NRG4: variants seen among roughly 807,000 people sequenced by gnomAD.
The protein encoded by NRG4 is neuregulin 4.
NRG4 carries 10 observed loss-of-function variants against 15.0 expected under a neutral mutation model. The ratio of observed to expected loss-of-function variants is 0.67; its 90% confidence interval spans 0.41 to 1.13. NRG4 has a LOEUF of 1.13. Ranked by LOEUF, NRG4 falls within the 50% of genes most tolerant of loss-of-function variation. The pLI, the probability that NRG4 is intolerant of heterozygous loss-of-function variation, is 0.00. For missense variants in NRG4, 139 were observed against 140.2 expected (o/e 0.99, Z 0.04); for synonymous variants, 41 against 50.1 (o/e 0.82, Z 0.77).
chr15:76,026,054 A>AT (rs1380124394), intron 5 of NRG4, among the ~76,000 whole-genome samples: 1 of 152,184 alleles, frequency 6.6e-6, no homozygotes, highest in African/African-American at 2.4e-5. Context: ...AAATATTTGC[A>AT]TTATGGGCAT....
At chr15:75,980,698 C>T (rs2033571804) in intron 3 of NRG4, among the ~76,000 whole-genome samples, 1 of 151,930 alleles carries the variant, frequency 6.6e-6, no homozygotes, top group African/African-American at 2.4e-5. Context: ...CTTAGGATAC[C>T]CTAGTGCAGT....
chr15:75,946,227 T>G (rs1276166894), intron 5 of NRG4, among the ~76,000 whole-genome samples: 2 of 152,236 alleles, frequency 1.3e-5, no homozygotes, highest in Admixed American at 6.5e-5. Flanking sequence ...AACTTTCCGT[T>G]TATATTTCAG....
rs775066100 is a variant in NRG4, at chr15:75,978,066, G to A, written c.105-16092C>T. On this transcript the variant is annotated intron_variant, in intron 3 of 5. Transcript: ENST00000394907. ...TCCTGACCTCAAGTGATCTGCCCAC[G>A]TCAGCCTCCCAAAGTGCTGGGATTA... Among the ~76,000 whole-genome samples the A allele has an allele frequency of 3.3e-5, 5 of 151,872 alleles. No homozygotes were observed. The South Asian group carries it at 8.3e-4, about 25-fold the overall frequency.
chr15:75,989,153 C>G (rs774767571), intron 3 of NRG4, among the ~76,000 whole-genome samples: 18 of 152,178 alleles, frequency 1.2e-4, no homozygotes, highest in Non-Finnish European at 2.5e-4. Context: ...CCAGCACACC[C>G]AGCCCTGAGT....
chr15:76,035,649 T>A (rs1339203672), intron 5 of NRG4, among the ~76,000 whole-genome samples: 5 of 152,202 alleles, frequency 3.3e-5, no homozygotes, highest in African/African-American at 1.2e-4. Context: ...AAACCCATCC[T>A]ACTTAGGAGT....
intron 4 of NRG4, among the ~76,000 whole-genome samples, chr15:76,044,062 ATC>A (rs1263442744): frequency 6.6e-6 from 1 of 152,202 alleles, no homozygotes; most frequent in East Asian, 1.9e-4. Flanking sequence ...CAGTGGCGCA[ATC>A]TCGGCTCACT....
At chr15:76,055,574 A>G (rs1270179179) in intron 2 of NRG4, among the ~76,000 whole-genome samples, 3 of 152,194 alleles carry the variant, frequency 2.0e-5, no homozygotes. Context: ...AATATATACA[A>G]TAGCTGGGTC....
intron 3 of NRG4, among the ~76,000 whole-genome samples, chr15:75,991,371 T>C (rs2034009915): frequency 6.6e-6 from 1 of 152,206 alleles, no homozygotes; most frequent in South Asian, 2.1e-4. Flanking sequence ...CTTACAAATG[T>C]AAAACTACTA....
At chr15:76,055,165 C>T (rs1666232835) in intron 2 of NRG4, among the ~76,000 whole-genome samples, 1 of 152,152 alleles carries the variant, frequency 6.6e-6, no homozygotes, top group African/African-American at 2.4e-5. Flanking sequence ...CGCCTGTAGT[C>T]CCAGCTACTC....
chr15:75,984,517 C>T (rs960036242), intron 3 of NRG4, among the ~76,000 whole-genome samples: 1 of 152,108 alleles, frequency 6.6e-6, no homozygotes, highest in African/African-American at 2.4e-5. Context: ...AACCATCATT[C>T]TCAGCAAACT....
At chr15:75,987,604 CA>C (rs567862071) in intron 3 of NRG4, among the ~76,000 whole-genome samples, 27 of 152,294 alleles carry the variant, frequency 1.8e-4, no homozygotes, top group Middle Eastern at 3.4e-3. Flanking sequence ...TGTCCATCTG[CA>C]AACCAGAAAG....
intron 4 of NRG4, among the ~76,000 whole-genome samples, chr15:76,049,913 C>T (rs1003422050): frequency 6.6e-6 from 1 of 150,680 alleles, no homozygotes; most frequent in Non-Finnish European, 1.5e-5. Context: ...CCATTTCTGT[C>T]GATGGTAACA....
chr15:75,945,605 T>G (rs989869396), intron 5 of NRG4, among the ~76,000 whole-genome samples: 1 of 152,174 alleles, frequency 6.6e-6, no homozygotes, highest in African/African-American at 2.4e-5. Flanking sequence ...CTTTTACTCA[T>G]GTACAGGAGT....
At chr15:76,038,977 A>C (rs942437555) in intron 4 of NRG4, among the ~76,000 whole-genome samples, 1 of 152,258 alleles carries the variant, frequency 6.6e-6, no homozygotes, top group Admixed American at 6.5e-5. Context: ...GGTAAACCAG[A>C]GAATTCTTCC....
chr15:76,050,268 A>C (rs1236650455), intron 4 of NRG4, among the ~76,000 whole-genome samples: 3 of 150,758 alleles, frequency 2.0e-5, no homozygotes, highest in African/African-American at 7.4e-5. Context: ...ACAATTTCCC[A>C]AAGTAAATAA....
intron 3 of NRG4, among the ~76,000 whole-genome samples, chr15:75,989,396 A>T (rs2033923738): frequency 6.6e-6 from 1 of 152,086 alleles, no homozygotes; most frequent in Admixed American, 6.6e-5. Flanking sequence ...TAGAATATGT[A>T]AGATCCTGAG....
In NRG4 at chr15:75,984,554, G is replaced by A. The variant is rs191902422; in HGVS notation, c.105-22580C>T. Among the ~76,000 whole-genome samples the A allele has an allele frequency of 7.3e-4, 111 of 152,098 alleles. 1 individual carries two copies. Among genetic ancestry groups the A allele is most frequent in the Non-Finnish European group, 6.0e-4 (41 of 67,986 alleles). On this transcript the variant is annotated intron_variant, in intron 3 of 5. Transcript: ENST00000394907. ...ACACAGGAACAGAAAACCAAACACCGCATGTTCTCACTCATAAGTGGGAGT... is the reference window on the plus strand; with the variant it reads ...ACACAGGAACAGAAAACCAAACACCACATGTTCTCACTCATAAGTGGGAGT...
At chr15:75,953,932 C>G (rs1887856977) in intron 5 of NRG4, among the ~76,000 whole-genome samples, 1 of 152,170 alleles carries the variant, frequency 6.6e-6, no homozygotes, top group African/African-American at 2.4e-5. Flanking sequence ...AGTGATCCTC[C>G]TGCCTCAGCC....
downstream of NRG4, chr15:75,939,293 AG>A (rs2030697232): frequency 6.6e-6 from 1 of 152,184 alleles, no homozygotes; most frequent in Non-Finnish European, 1.5e-5. Flanking sequence ...AAAGGGTTAT[AG>A]AAGAATACCT....
Sources: gnomAD v4.1 joint callset for allele counts (sites outside exome capture counted in the v4.1 genomes callset) on GRCh38, gnomAD v4.1.1 for gene constraint, MANE v1.5 for transcripts, NCBI Gene and HGNC (gene_info 2026-07-23, HGNC 2026-07-21) for gene names.